PPP1R1C: variants seen among roughly 807,000 people sequenced by gnomAD.
PPP1R1C encodes protein phosphatase 1 regulatory subunit 1C.
A neutral mutation model predicts 17.4 loss-of-function variants in PPP1R1C; 15 were observed. The observed-to-expected ratio is 0.86, with a 90% confidence interval of 0.58 to 1.33. The LOEUF (loss-of-function observed/expected upper bound fraction) is 1.33. Ranked by LOEUF, PPP1R1C falls within the 40% of genes most tolerant of loss-of-function variation. The probability of loss-of-function intolerance (pLI) is 0.00; values close to 1 mark genes in which losing one functional copy is unlikely to be tolerated. For synonymous variants in PPP1R1C, 35 were observed against 43.1 expected (o/e 0.81, Z 0.73); for missense variants, 143 against 130.0 (o/e 1.10, Z -0.48).
At chr2:182,118,659 A>AG (rs11404127), downstream of PPP1R1C, among the ~76,000 whole-genome samples, 98,041 of 151,800 alleles carry the variant, frequency 0.65, 31,855 homozygotes, top group African/African-American at 0.7. Context: ...TGGAGCTATA[A>AG]AGAATGCAGT....
At chr2:182,055,963 C>T (rs1687672487) in intron 2 of PPP1R1C, among the ~76,000 whole-genome samples, 1 of 152,116 alleles carries the variant, frequency 6.6e-6, no homozygotes, top group Admixed American at 6.5e-5. Flanking sequence ...CCTTTATGCT[C>T]ATTCTTCCTT....
At chr2:182,116,422 G>A (rs183110617) in intron 4 of PPP1R1C, among the ~76,000 whole-genome samples, 1 of 152,240 alleles carries the variant, frequency 6.6e-6, no homozygotes, top group Admixed American at 6.5e-5. Context: ...TCAGAGAGGA[G>A]GCAAGCTGAC....
At chr2:182,063,294 C>T (rs572660305) in intron 3 of PPP1R1C, among the ~76,000 whole-genome samples, 4 of 151,994 alleles carry the variant, frequency 2.6e-5, no homozygotes, top group East Asian at 1.9e-4. Context: ...TGTTACTTTC[C>T]AAGGATCTTC....
chr2:182,097,600 A>G (rs934841620), intron 4 of PPP1R1C, among the ~76,000 whole-genome samples: 12 of 152,118 alleles, frequency 7.9e-5, no homozygotes, highest in Non-Finnish European at 1.5e-4. Context: ...ATTTAAAGAA[A>G]TTGTTTCTGG....
intron 2 of PPP1R1C, among the ~76,000 whole-genome samples, chr2:182,010,431 G>C (rs995238194): frequency 2.0e-5 from 3 of 151,782 alleles, no homozygotes; most frequent in African/African-American, 7.3e-5. Context: ...ATTGTTTACT[G>C]TTGCCATATA....
chr2:182,116,529 C>G (rs917614650), intron 4 of PPP1R1C, among the ~76,000 whole-genome samples: 1 of 151,998 alleles, frequency 6.6e-6, no homozygotes, highest in Non-Finnish European at 1.5e-5. Context: ...CCTGAGGGAG[C>G]CTGGAGTAGC....
Position 181,987,855 on chromosome 2 carries a change from C to G in PPP1R1C, c.98C>G (p.Pro33Arg), listed in dbSNP as rs369295633. The part of the protein sequence containing the change: ...EAAEQIRKRR[P>R]TPASLVILNE... Reference sequence around the variant, plus strand: ...CGTTCACAGATCAGGAAAAGAAGACCTACACCAGCATCACTTGTGATTCTC... The same window carrying G: ...CGTTCACAGATCAGGAAAAGAAGACGTACACCAGCATCACTTGTGATTCTC... Residue 33 changes from proline (P) to arginine (R), a missense_variant, in exon 2 of 5, where the codon CCT becomes CGT. Pro to Arg is a moderately radical substitution (Grantham distance 103). Coordinates refer to ENST00000682840, the MANE Select transcript of PPP1R1C (RefSeq NM_001080545.3). 2 of 1,613,438 alleles carry G rather than the reference C, an allele frequency of 1.2e-6. No homozygotes were observed. The highest frequency in any genetic ancestry group is 4.5e-5 in the East Asian group (2 of 44,848).
upstream of PPP1R1C, among the ~76,000 whole-genome samples, chr2:181,985,579 T>C (rs1174722643): frequency 1.3e-5 from 2 of 152,182 alleles, no homozygotes; most frequent in African/African-American, 2.4e-5. This position sits in a 1 kb window ranked among gnomAD's most constrained non-coding sequence, Gnocchi z 4.1. Flanking sequence ...ATCTGACTTA[T>C]AAGTTGCTGA....
At chr2:182,005,897 A>G (rs146236010) in intron 2 of PPP1R1C, among the ~76,000 whole-genome samples, 71 of 152,340 alleles carry the variant, frequency 4.7e-4, no homozygotes, top group Middle Eastern at 3.4e-3. Context: ...TGTAACTAAT[A>G]ATGCCTACTT....
intron 4 of PPP1R1C, among the ~76,000 whole-genome samples, chr2:182,070,182 T>C (rs1272952304): frequency 6.6e-6 from 1 of 152,222 alleles, no homozygotes; most frequent in Non-Finnish European, 1.5e-5. Flanking sequence ...CAGTCATATT[T>C]ACATATAAGT....
chr2:182,038,513 G>T (rs1157949748), intron 2 of PPP1R1C, among the ~76,000 whole-genome samples: 2 of 152,146 alleles, frequency 1.3e-5, no homozygotes, highest in East Asian at 1.9e-4. Context: ...AAACTGAAAA[G>T]ATATATGTAG....
intron 1 of PPP1R1C, among the ~76,000 whole-genome samples, chr2:181,966,510 A>G (rs1684907953): frequency 6.6e-6 from 1 of 151,740 alleles, no homozygotes; most frequent in Admixed American, 6.6e-5. Flanking sequence ...ATTTTTTTTC[A>G]TCATAAAAGG....
At chr2:182,052,319 C>A (rs975886538) in intron 2 of PPP1R1C, among the ~76,000 whole-genome samples, 3 of 152,126 alleles carry the variant, frequency 2.0e-5, no homozygotes, top group Admixed American at 2.0e-4. Flanking sequence ...TATCATTGAA[C>A]ACAAATCTAG....
rs1685118054 is a variant in PPP1R1C, at chr2:181,977,694, A to AT, written n.157+2436dup. On this transcript the variant is annotated intron_variant and non_coding_transcript_variant, in intron 2 of 5. Coordinates refer to the PPP1R1C transcript ENST00000464264. ...CCCAGCACTTTGGAGGCCAGCAACC[A>AT]TTTTTTATGTCCATAGTTTCTGTAG... Among the ~76,000 whole-genome samples the AT allele has an allele frequency of 5.3e-5, 8 of 152,234 alleles. No homozygotes were observed. In the South Asian group the frequency reaches 1.7e-3, roughly 32 times the overall value.
chr2:182,012,135 A>C (rs1686102895), intron 2 of PPP1R1C, among the ~76,000 whole-genome samples: 1 of 152,016 alleles, frequency 6.6e-6, no homozygotes, highest in Admixed American at 6.6e-5. Flanking sequence ...CATTTTATCT[A>C]TAGTGTAAAT....
chr2:182,020,726 T>C (rs1367941198), intron 2 of PPP1R1C, among the ~76,000 whole-genome samples: 1 of 152,178 alleles, frequency 6.6e-6, no homozygotes, highest in Non-Finnish European at 1.5e-5. Context: ...TAGGAGCCCA[T>C]ATCTTAAGAG....
chr2:182,012,555 C>T (rs1387579628), intron 2 of PPP1R1C, among the ~76,000 whole-genome samples: 1 of 151,838 alleles, frequency 6.6e-6, no homozygotes, highest in African/African-American at 2.4e-5. Flanking sequence ...TTAAAAAAAA[C>T]CTTTTAGCCA....
chr2:182,014,447 T>C (rs1005892155), intron 2 of PPP1R1C, among the ~76,000 whole-genome samples: 3 of 151,026 alleles, frequency 2.0e-5, no homozygotes, highest in Non-Finnish European at 3.0e-5. Flanking sequence ...GGAGAAGTGA[T>C]GCAGGCGTCG....
intron 5 of PPP1R1C, among the ~76,000 whole-genome samples, chr2:182,124,621 T>C (rs1254514789): frequency 6.6e-6 from 1 of 152,130 alleles, no homozygotes; most frequent in Non-Finnish European, 1.5e-5. Context: ...ACATCCCTCG[T>C]AAGTTGCATT....
Sources: gnomAD v4.1 joint callset for allele counts (sites outside exome capture counted in the v4.1 genomes callset) on GRCh38, gnomAD v4.1.1 for gene constraint, Gnocchi (gnomAD v3.1) non-coding constraint, MANE v1.5 for transcripts, NCBI Gene and HGNC (gene_info 2026-07-23, HGNC 2026-07-21) for gene names.